The following EPS8 variants were observed in gnomAD, a reference collection of about 807,000 sequenced individuals.
EPS8 encodes epidermal growth factor receptor kinase substrate 8.
A neutral mutation model predicts 103.8 loss-of-function variants in EPS8; 42 were observed. That is an observed-to-expected ratio of 0.40 (90% CI 0.32 to 0.52). The LOEUF (loss-of-function observed/expected upper bound fraction) is 0.52. Among genes scored for constraint, EPS8 ranks in the 20% least tolerant of loss-of-function variants. The pLI is 0.40. For missense variants in EPS8, 969 were observed against 1,005.1 expected (o/e 0.96, Z 0.49); for synonymous variants, 344 against 344.6 (o/e 1.00, Z 0.02).
Position 15,757,331 on chromosome 12 carries a change from A to C in EPS8, c.-22+31830T>G, listed in dbSNP as rs769165324. ...TAATAACAAAGAGGTAAAGGTATTT[A>C]TTTAAGATGAAGAGATGGGCCAGGC... is the stretch of plus-strand genomic sequence containing the variant. On this transcript the variant is annotated intron_variant, in intron 1 of 20. Transcript: ENST00000281172. This position sits in a 1 kb window ranked among gnomAD's most constrained non-coding sequence, Gnocchi z 4.1. Among the ~76,000 whole-genome samples the C allele has an allele frequency of 6.6e-6, 1 of 152,172 alleles. No individual in the cohort carries two copies.
chr12:15,788,999 G>A (rs1947339848), intron 1 of EPS8, among the ~76,000 whole-genome samples, 162 bp downstream of exon 1: 1 of 152,164 alleles, frequency 6.6e-6, no homozygotes, highest in African/African-American at 2.4e-5. Flanking sequence ...GCGCCCTACC[G>A]CACCTGGCTG....
chr12:15,676,259 CAAAAAAAAAAAAAAAAA>C (rs888576581), intron 3 of EPS8, among the ~76,000 whole-genome samples: 6 of 16,336 alleles, frequency 3.7e-4, no homozygotes, highest in African/African-American at 1.2e-3. Flanking sequence ...GACTCCATCT[CAAAAAAAAAAAAAAAAA>C]AAAAAAAAAG....
Position 15,650,971 on chromosome 12 carries a change from T to C in EPS8, c.1286A>G (p.Tyr429Cys), listed in dbSNP as rs761459346. Residue 429 changes from tyrosine to cysteine, a missense_variant, in exon 14 of 21, where the codon TAT (tyrosine) becomes TGT (cysteine). By Grantham distance (194) the Tyr-to-Cys change is radical (BLOSUM62 -2). Transcript: ENST00000281172. ...CCAGCCATTGCGGAATCGTGGAACA[T>C]ATGGTGGAATAAACTGTTCTTTTGG... ...EWPKEQFIPP[Y>C]VPRFRNGWEP... The C allele has an allele frequency of 5.0e-6, 8 of 1,614,030 alleles. No homozygotes were observed. The South Asian group carries it at 6.6e-5, about 13-fold the overall frequency.
At chr12:15,668,767 A>G (rs1945760930) in intron 6 of EPS8, among the ~76,000 whole-genome samples, 1 of 152,220 alleles carries the variant, frequency 6.6e-6, no homozygotes, top group African/African-American at 2.4e-5. Flanking sequence ...GTGCAGAATA[A>G]ATTCAAATTA....
At chr12:15,675,519 G>C (rs1945887794) in intron 3 of EPS8, among the ~76,000 whole-genome samples, 2 of 152,208 alleles carry the variant, frequency 1.3e-5, no homozygotes, top group Non-Finnish European at 2.9e-5. Context: ...AGAATTACTT[G>C]AACTAGGATG....
rs192908462 is a variant in EPS8 at position 15,774,226 on chromosome 12, A to G, written c.-22+14935T>C. On this transcript the variant is annotated intron_variant, in intron 1 of 20. Coordinates refer to ENST00000281172, the MANE Select transcript of EPS8 (RefSeq NM_004447.6). ...GAATAACCAAAATGAGGAACTAATG[A>G]ATTTTTTCTTTTGGAAAAGAGGTGC... 1.9e-4 allele frequency among the ~76,000 whole-genome samples: 29 copies of G among 152,094 alleles called. No homozygotes were observed. In the South Asian group the frequency reaches 4.4e-3, roughly 23 times the overall value.
chr12:15,708,377 A>G (rs1475783933), intron 1 of EPS8, among the ~76,000 whole-genome samples: 1 of 152,260 alleles, frequency 6.6e-6, no homozygotes, highest in East Asian at 1.9e-4. Flanking sequence ...CAAAAATGTT[A>G]ACATAATTGT....
intron 15 of EPS8, among the ~76,000 whole-genome samples, chr12:15,644,248 C>G (rs1945281445): frequency 6.6e-6 from 1 of 152,188 alleles, no homozygotes; most frequent in South Asian, 2.1e-4. Flanking sequence ...CCAGCTGTTT[C>G]TATACCTCAC....
chr12:15,683,994 C>T (rs1384923599), intron 1 of EPS8: 1 of 152,088 alleles, frequency 6.6e-6, no homozygotes, highest in Non-Finnish European at 1.5e-5. Flanking sequence ...GTTTCAGGTC[C>T]TGTGATGGAT....
chr12:15,716,258 A>T lies in EPS8; in HGVS notation c.-21-33286T>A, dbSNP rs1307862995. On this transcript the variant is annotated intron_variant, in intron 1 of 20. Transcript: ENST00000281172. The surrounding 1 kb of genome is among the most constrained non-coding windows in gnomAD (Gnocchi z 5.0). ...ACAGACAGTTTCCTAATAGTAAGTTAACAGGTACAGTTAATACCCTGCTGT... is the reference window on the plus strand; with the variant it reads ...ACAGACAGTTTCCTAATAGTAAGTTTACAGGTACAGTTAATACCCTGCTGT... 6.6e-6 allele frequency among the ~76,000 whole-genome samples: 1 copy of T among 152,062 alleles called. No individual in the cohort carries two copies. Among genetic ancestry groups the T allele is most frequent in the Non-Finnish European group, 1.5e-5 (1 of 68,036 alleles).
At chr12:15,786,088 T>C (rs1165823056) in intron 1 of EPS8, among the ~76,000 whole-genome samples, 2 of 151,956 alleles carry the variant, frequency 1.3e-5, no homozygotes, top group South Asian at 2.1e-4. Context: ...GTATAGGCTA[T>C]ACACAGTTCC....
intron 12 of EPS8, among the ~76,000 whole-genome samples, chr12:15,655,735 G>C (rs1945496104): frequency 6.6e-6 from 1 of 152,208 alleles, no homozygotes; most frequent in Non-Finnish European, 1.5e-5. Flanking sequence ...GAAAGGTTAA[G>C]AGCCATGGTT....
Position 15,721,613 on chromosome 12 carries a change from T to C in EPS8, c.-21-38641A>G, listed in dbSNP as rs1946596446. ...CATCAGTTTTCCTTCTTTGGAATAG[T>C]ACATTTTATCCTCCATTTCTTGTGA... is the stretch of plus-strand genomic sequence containing the variant. On this transcript the variant is annotated intron_variant, in intron 1 of 20. Transcript: ENST00000281172. This position sits in a 1 kb window ranked among gnomAD's most constrained non-coding sequence, Gnocchi z 4.4. Among the ~76,000 whole-genome samples the C allele has an allele frequency of 1.3e-5, 2 of 152,186 alleles. No individual in the cohort carries two copies. The highest frequency in any genetic ancestry group is 6.5e-5 in the Admixed American group (1 of 15,282).
At position 15,736,624 on chromosome 12, in the gene EPS8, G is replaced by T. The variant is rs924805288; in HGVS notation, c.-22+52537C>A. ...ATGAAGTTAGTAAGCAAATCAATCC[G>T]CAGCAGGTTAGAAGCATTAAATTTG... On this transcript the variant is annotated intron_variant, in intron 1 of 20. Coordinates refer to ENST00000281172, the MANE Select transcript of EPS8 (RefSeq NM_004447.6). This position sits in a 1 kb window ranked among gnomAD's most constrained non-coding sequence, Gnocchi z 4.2. Among the ~76,000 whole-genome samples, 8 of 152,092 alleles carry T rather than the reference G, an allele frequency of 5.3e-5. No individual in the cohort carries two copies. Among genetic ancestry groups the T allele is most frequent in the Middle Eastern group, 3.2e-3 (1 of 316 alleles).
At position 15,663,959 on chromosome 12, in the gene EPS8, AT is replaced by A. The variant is rs1214627423; in HGVS notation, c.736+1796del. Among the ~76,000 whole-genome samples, 15 of 63,966 alleles carry A rather than the reference AT, an allele frequency of 2.3e-4. 2 individuals carry two copies. Among genetic ancestry groups the A allele is most frequent in the South Asian group, 1.4e-3 (2 of 1,418 alleles). 42.0% of individuals were successfully genotyped at this position (63,966 alleles called of 152,430 possible). On this transcript the variant is annotated intron_variant, in intron 8 of 20. Coordinates refer to ENST00000281172, the MANE Select transcript of EPS8 (RefSeq NM_004447.6). ...AAAAAAAAAAAAATAATATATATAT[AT>A]ATATATATATATATATACACACACA...
chr12:15,630,221 CACACAT>C (rs1206504389), intron 18 of EPS8, among the ~76,000 whole-genome samples: 4 of 151,504 alleles, frequency 2.6e-5, no homozygotes, highest in Admixed American at 6.6e-5. Flanking sequence ...CACACACACA[CACACAT>C]ACACACACAC....
chr12:15,670,220 C>A (rs1945791833), intron 4 of EPS8, among the ~76,000 whole-genome samples: 1 of 152,192 alleles, frequency 6.6e-6, no homozygotes, highest in Non-Finnish European at 1.5e-5. Flanking sequence ...TGTATGGGAG[C>A]TTCAAAACTA....
chr12:15,630,120 G>A (rs899076756), intron 18 of EPS8, among the ~76,000 whole-genome samples: 3 of 151,926 alleles, frequency 2.0e-5, no homozygotes, highest in Admixed American at 6.6e-5. Flanking sequence ...TGTGGAAAAC[G>A]AAGGCAGAAC....
chr12:15,639,957 A>C (rs891990032), intron 17 of EPS8, among the ~76,000 whole-genome samples: 2 of 152,192 alleles, frequency 1.3e-5, no homozygotes, highest in Admixed American at 1.3e-4. Flanking sequence ...GAGTCCATCC[A>C]TTCTGTCTTT....
Sources: gnomAD v4.1 joint callset for allele counts (sites outside exome capture counted in the v4.1 genomes callset) on GRCh38, gnomAD v4.1.1 for gene constraint, Gnocchi (gnomAD v3.1) non-coding constraint, MANE v1.5 for transcripts, NCBI Gene and HGNC (gene_info 2026-07-23, HGNC 2026-07-21) for gene names.